Variants in GRM8 observed in about 807,000 individuals in gnomAD.
GRM8 encodes the protein glutamate metabotropic receptor 8.
Under a neutral mutation model 87.2 loss-of-function variants are expected in GRM8, and 47 were observed. The observed-to-expected ratio is 0.54, with a 90% CI of 0.43 to 0.69. The LOEUF (loss-of-function observed/expected upper bound fraction) is 0.69, where lower values mean the gene tolerates loss of function less well. Among genes scored for constraint, GRM8 ranks in the 30% least tolerant of loss-of-function variants. The pLI is 0.00. For synonymous variants in GRM8, 396 were observed against 404.5 expected, an observed-to-expected ratio of 0.98 and a Z score of 0.25; for missense variants, 1,019 against 1,139.2, an observed-to-expected ratio of 0.89 and a Z score of 1.52.
At chr7:127,125,415 T>C (rs554326555) in intron 2 of GRM8, among the ~76,000 whole-genome samples, 90 of 152,088 alleles carry the variant, frequency 5.9e-4, no homozygotes, top group African/African-American at 2.0e-3. Context: ...AAAAGACACT[T>C]GATTCTCATA....
chr7:126,643,029 G>A (rs1802573832), intron 7 of GRM8, among the ~76,000 whole-genome samples: 1 of 151,976 alleles, frequency 6.6e-6, no homozygotes, highest in African/African-American at 2.4e-5. Context: ...AGTGGCTCAA[G>A]CCTATAATCC....
intron 8 of GRM8, among the ~76,000 whole-genome samples, chr7:126,566,423 T>C (rs1258643123): frequency 1.3e-5 from 2 of 152,152 alleles, no homozygotes; most frequent in Non-Finnish European, 1.5e-5. Context: ...TGAGAACAAA[T>C]GCTCAACATT....
At chr7:126,643,214 C>G (rs901369407) in intron 7 of GRM8, among the ~76,000 whole-genome samples, 50 of 145,842 alleles carry the variant, frequency 3.4e-4, no homozygotes, top group African/African-American at 1.2e-3. Flanking sequence ...GGCTTGAGCC[C>G]CATGGGGCAG....
At chr7:126,987,609 T>C (rs981635030) in intron 3 of GRM8, among the ~76,000 whole-genome samples, 9 of 152,038 alleles carry the variant, frequency 5.9e-5, no homozygotes, top group East Asian at 1.9e-4. Flanking sequence ...TATAGGTGCC[T>C]GCCACCACGC....
At chr7:126,646,754 G>A (rs1419485) in intron 7 of GRM8, among the ~76,000 whole-genome samples, 1 of 152,036 alleles carries the variant, frequency 6.6e-6, no homozygotes, top group Admixed American at 6.6e-5. Context: ...GTGATTAAAT[G>A]ATATAATCCA....
intron 7 of GRM8, among the ~76,000 whole-genome samples, chr7:126,669,062 C>T (rs1286531609): frequency 1.3e-5 from 2 of 152,156 alleles, no homozygotes; most frequent in African/African-American, 2.4e-5. Flanking sequence ...CAAACTAACA[C>T]AGGAACAGAA....
intron 7 of GRM8, among the ~76,000 whole-genome samples, chr7:126,639,101 T>C (rs942078321): frequency 5.9e-5 from 9 of 152,212 alleles, no homozygotes; most frequent in Admixed American, 5.2e-4. Flanking sequence ...ATCTGTCTTT[T>C]CTTCTGCTAT....
In GRM8 at chr7:126,595,371, G is replaced by GTATTTTATTTTATTT. The variant is rs146479444; in HGVS notation, c.1494+13976_1494+13990dup. On this transcript the variant is annotated intron_variant, in intron 8 of 10. Transcript: ENST00000339582. Reference sequence around the variant, plus strand: ...CACACCACCACCCCAGCTAATTCTGGTATTTTATTTTATTTTATTTTATTT... The same window carrying GTATTTTATTTTATTT: ...CACACCACCACCCCAGCTAATTCTGGTATTTTATTTTATTTTATTTTATTTTATTTTATTTTATTT... Among the ~76,000 whole-genome samples, 464 of 133,756 alleles carry GTATTTTATTTTATTT rather than the reference G, an allele frequency of 3.5e-3. 4 individuals are homozygous for GTATTTTATTTTATTT. The highest frequency in any genetic ancestry group is 0.01 in the African/African-American group (362 of 34,502). The allele number at this position is 133,756 out of a possible 152,430, so 87.7% of individuals were successfully genotyped here. A position where few individuals can be genotyped will look rare whatever the true frequency, so the allele number is the denominator to read the frequency against.
intron 6 of GRM8, among the ~76,000 whole-genome samples, chr7:126,789,155 A>G (rs2151667061): frequency 6.6e-6 from 1 of 152,298 alleles, no homozygotes; most frequent in African/African-American, 2.4e-5. Context: ...TCTTATGTAT[A>G]TTACACTTAT....
intron 3 of GRM8, among the ~76,000 whole-genome samples, chr7:126,993,456 C>T (rs1315312847): frequency 2.6e-5 from 4 of 152,146 alleles, no homozygotes; most frequent in African/African-American, 9.7e-5. Flanking sequence ...CAAATTGTCT[C>T]ACCTAAAAGG....
At chr7:127,177,582 C>T (rs994474151) in intron 2 of GRM8, among the ~76,000 whole-genome samples, 2 of 152,210 alleles carry the variant, frequency 1.3e-5, no homozygotes, top group African/African-American at 2.4e-5. Context: ...GCTAAGAACC[C>T]TCACAGAATC....
chr7:126,769,260 A>G (rs1818566841), intron 7 of GRM8, among the ~76,000 whole-genome samples: 1 of 152,132 alleles, frequency 6.6e-6, no homozygotes. Context: ...CTGTGAATCC[A>G]GTATATTCTG....
At chr7:126,500,664 T>TA (rs1224244056) in intron 9 of GRM8, among the ~76,000 whole-genome samples, 3 of 152,140 alleles carry the variant, frequency 2.0e-5, no homozygotes, top group African/African-American at 7.2e-5. Flanking sequence ...GTTTAATATG[T>TA]AAAAAATACT....
chr7:126,698,764 G>A (rs922602089), intron 7 of GRM8, among the ~76,000 whole-genome samples: 12 of 152,052 alleles, frequency 7.9e-5, no homozygotes, highest in African/African-American at 2.4e-4. Context: ...GCATACCTTC[G>A]TAACCCCAAT....
chr7:126,568,887 T>A (rs1794462650), intron 8 of GRM8, among the ~76,000 whole-genome samples: 1 of 152,082 alleles, frequency 6.6e-6, no homozygotes, highest in African/African-American at 2.4e-5. Flanking sequence ...CTAGCCAAGA[T>A]GAAACGTACT....
chr7:126,875,670 A>G (rs1318328969), intron 6 of GRM8, among the ~76,000 whole-genome samples: 5 of 152,148 alleles, frequency 3.3e-5, no homozygotes, highest in Admixed American at 3.3e-4. Flanking sequence ...CATACACAAT[A>G]AATCACCAAC....
intron 3 of GRM8, among the ~76,000 whole-genome samples, chr7:126,906,957 G>A (rs1802739716): frequency 6.6e-6 from 1 of 152,084 alleles, no homozygotes; most frequent in African/African-American, 2.4e-5. Context: ...ATACTGTGTG[G>A]GTGCTGTGGA....
At chr7:126,767,962 C>G (rs1470686372) in intron 7 of GRM8, among the ~76,000 whole-genome samples, 2 of 152,040 alleles carry the variant, frequency 1.3e-5, no homozygotes, top group Non-Finnish European at 2.9e-5. Context: ...ATATCAGACA[C>G]AGCACAGTTC....
At chr7:127,076,634 A>C (rs1291044620) in intron 3 of GRM8, among the ~76,000 whole-genome samples, 4 of 152,196 alleles carry the variant, frequency 2.6e-5, no homozygotes, top group African/African-American at 9.6e-5. Context: ...GGAGTCCCTG[A>C]AGAGCAAGAC....
Sources: allele counts gnomAD v4.1 joint callset (sites outside exome capture counted in the v4.1 genomes callset), GRCh38; gene constraint gnomAD v4.1.1; transcripts MANE v1.5; gene names NCBI Gene and HGNC (gene_info 2026-07-23, HGNC 2026-07-21).